The following TULP4 variants were observed in gnomAD, a reference collection of about 807,000 sequenced individuals.
TULP4 encodes tubby-related protein 4.
Under a neutral mutation model 129.0 loss-of-function variants are expected in TULP4, and 16 were observed. That is an observed-to-expected ratio of 0.12 (90% CI 0.08 to 0.19). TULP4 has a LOEUF of 0.19. Among genes scored for constraint, TULP4 ranks in the 10% least tolerant of loss-of-function variants. The pLI is 1.00. For synonymous variants in TULP4, 998 were observed against 854.0 expected (o/e 1.17, Z -2.94); for missense variants, 1,842 against 2,059.1 (o/e 0.89, Z 2.04).
rs150514274 is a variant in TULP4, at chr6:158,500,396, G to A, written c.2015-1282G>A. ...TGTCTTACTAGGACACCCCAAGGAAGGGCCAGCTTAGCTTTTGATAAACTA... is the reference window on the plus strand; with the variant it reads ...TGTCTTACTAGGACACCCCAAGGAAAGGCCAGCTTAGCTTTTGATAAACTA... On this transcript the variant is annotated intron_variant, in intron 12 of 13. Coordinates refer to ENST00000367097, the MANE Select transcript of TULP4 (RefSeq NM_020245.5). 8.4e-4 allele frequency among the ~76,000 whole-genome samples: 128 copies of A among 152,310 alleles called. 1 individual carries two copies. The highest frequency in any genetic ancestry group is 3.0e-3 in the African/African-American group (124 of 41,564).
At chr6:158,296,135 C>T (rs770401293) in intron 1 of TULP4, among the ~76,000 whole-genome samples, 105 of 151,962 alleles carry the variant, frequency 6.9e-4, no homozygotes, top group Non-Finnish European at 1.3e-3. Flanking sequence ...CTTCCCCTTC[C>T]TTTTTTCTCT....
At chr6:158,322,066 A>G (rs9457345) in intron 1 of TULP4, among the ~76,000 whole-genome samples, 26,438 of 152,192 alleles carry the variant, frequency 0.17, 2,709 homozygotes, top group Middle Eastern at 0.26. Flanking sequence ...GTGATGACCA[A>G]CTTTCTCAAC....
rs770652551 is a variant in TULP4, at chr6:158,503,410, G to A, written c.3747G>A (p.Thr1249=). ...TLPPMYPGSS[T]CSSLQLPPVA... ...CCCCCATGTACCCAGGAAGCAGCAC[G>A]TGCTCTAGTTTACAGCTGCCACCTG... The change falls in exon 13 of 14, where the codon ACG becomes ACA. Residue 1249 remains threonine (T), a synonymous_variant. Transcript: ENST00000367097. The surrounding 1 kb of genome is among the most constrained non-coding windows in gnomAD (Gnocchi z 4.3). 70 of 1,613,810 alleles carry A rather than the reference G, an allele frequency of 4.3e-5. No individual in the cohort carries two copies. Among genetic ancestry groups the A allele is most frequent in the East Asian group, 2.9e-4 (13 of 44,886 alleles).
chr6:158,309,540 G>C (rs546137995), upstream of TULP4, among the ~76,000 whole-genome samples: 74 of 152,132 alleles, frequency 4.9e-4, no homozygotes, highest in East Asian at 0.012. Context: ...CAAGGCAGGC[G>C]GCTGGGAGAT....
At chr6:158,421,949 G>A (rs1477909023) in intron 2 of TULP4, among the ~76,000 whole-genome samples, 1 of 152,146 alleles carries the variant, frequency 6.6e-6, no homozygotes, top group Non-Finnish European at 1.5e-5. Flanking sequence ...GTCCTTCATT[G>A]TATACCGGAA....
At position 158,429,817 on chromosome 6, in the gene TULP4, A is replaced by G; in HGVS notation, c.463A>G (p.Ser155Gly). The change falls in exon 3 of 14, where the codon AGT (serine) becomes GGT (glycine). Residue 155 changes from serine to glycine, a missense_variant. Coordinates refer to ENST00000367097, the MANE Select transcript of TULP4 (RefSeq NM_020245.5). ...TGGGTTTGTCCTGGTTGGGTCTGTC[A>G]GTGGACAAAGACACTGGTCATCCGA... is the stretch of plus-strand genomic sequence containing the variant. ...RDGFVLVGSV[S>G]GQRHWSSEIN... 1 of 1,614,202 alleles carries G rather than the reference A, an allele frequency of 6.2e-7. No homozygotes were observed. Among genetic ancestry groups the G allele is most frequent in the Non-Finnish European group, 8.5e-7 (1 of 1,180,026 alleles).
At chr6:158,399,096 G>T (rs1177794897) in intron 1 of TULP4, among the ~76,000 whole-genome samples, 1 of 152,164 alleles carries the variant, frequency 6.6e-6, no homozygotes, top group Non-Finnish European at 1.5e-5. Flanking sequence ...CAGCTATATA[G>T]ATTAAATCCT....
intron 1 of TULP4, among the ~76,000 whole-genome samples, chr6:158,361,776 C>G (rs1780795418): frequency 6.6e-6 from 1 of 152,158 alleles, no homozygotes; most frequent in South Asian, 2.1e-4. Flanking sequence ...GAGGAGCTGG[C>G]TGTCTATTTT....
At chr6:158,478,788 C>A (rs575634196) in intron 6 of TULP4, among the ~76,000 whole-genome samples, 167 of 152,326 alleles carry the variant, frequency 1.1e-3, no homozygotes, top group African/African-American at 3.9e-3. Context: ...CTAGATGGCA[C>A]CCCTGAGCTT....
At chr6:158,310,026 A>G (rs2128481282), upstream of TULP4, among the ~76,000 whole-genome samples, 1 of 152,236 alleles carries the variant, frequency 6.6e-6, no homozygotes, top group East Asian at 1.9e-4. Context: ...TGTTCAAGAA[A>G]ATGTCGGCCA....
intron 3 of TULP4, chr6:158,437,848 T>TG (rs1438565855): frequency 6.6e-6 from 1 of 152,162 alleles, no homozygotes; most frequent in Non-Finnish European, 1.5e-5. Context: ...GAGGCTAAGG[T>TG]GGGAGGATCC....
chr6:158,396,230 C>T (rs922756869), intron 1 of TULP4, among the ~76,000 whole-genome samples: 2 of 152,262 alleles, frequency 1.3e-5, no homozygotes, highest in South Asian at 2.1e-4. Context: ...TTCCTCTCCC[C>T]AACCTCTATT....
chr6:158,474,659 T>C (rs945874426), intron 6 of TULP4, among the ~76,000 whole-genome samples: 3 of 152,192 alleles, frequency 2.0e-5, no homozygotes, highest in Admixed American at 2.0e-4. Flanking sequence ...ATCAGGTAGT[T>C]CCTGTCACAG....
At chr6:158,486,058 T>G (rs921275890) in intron 8 of TULP4, among the ~76,000 whole-genome samples, 3 of 152,262 alleles carry the variant, frequency 2.0e-5, no homozygotes, top group African/African-American at 7.2e-5. Context: ...TTGGGGGTTT[T>G]GGGAATAGAA....
chr6:158,505,181 C>T (rs1007609513), intron 13 of TULP4, among the ~76,000 whole-genome samples: 1 of 152,234 alleles, frequency 6.6e-6, no homozygotes, highest in African/African-American at 2.4e-5. Context: ...CTTCCCTGCT[C>T]CAGCCCAGAA....
At chr6:158,234,527 G>A (rs1409843516) in intron 1 of TULP4, among the ~76,000 whole-genome samples, 1 of 152,192 alleles carries the variant, frequency 6.6e-6, no homozygotes, top group Non-Finnish European at 1.5e-5. Flanking sequence ...TTATTCATCT[G>A]TTCTACTCAT....
chr6:158,493,098 C>T lies in TULP4; in HGVS notation c.1632-475C>T, dbSNP rs926395484. On this transcript the variant is annotated intron_variant, in intron 9 of 13. Coordinates refer to ENST00000367097, the MANE Select transcript of TULP4 (RefSeq NM_020245.5). This position sits in a 1 kb window ranked among gnomAD's most constrained non-coding sequence, Gnocchi z 4.4. ...GGCCCCTGGCAGAAGGCCATTTCCA[C>T]GCTTGCTCCAAGGCAACAGAGAGTG... 6.6e-6 allele frequency among the ~76,000 whole-genome samples: 1 copy of T among 152,248 alleles called. No homozygotes were observed. The highest frequency in any genetic ancestry group is 1.5e-5 in the Non-Finnish European group (1 of 68,054).
In TULP4 at chr6:158,292,785, C is replaced by T. The variant is rs189175358; in HGVS notation, n.116+10407C>T. On this transcript the variant is annotated intron_variant and non_coding_transcript_variant, in intron 1 of 1. Transcript: ENST00000432358. ...TGCACAGTGTAAGATTATTTCCTTACGATAAACTTCCAGAAGTGGAATTGA... is the reference window on the plus strand; with the variant it reads ...TGCACAGTGTAAGATTATTTCCTTATGATAAACTTCCAGAAGTGGAATTGA... 7.9e-3 allele frequency among the ~76,000 whole-genome samples: 1,199 copies of T among 152,218 alleles called. 11 individuals are homozygous for T. The highest frequency in any genetic ancestry group is 0.013 in the Non-Finnish European group (856 of 68,028).
Position 158,434,795 on chromosome 6 carries a change from A to G in TULP4, c.543+4898A>G, listed in dbSNP as rs149159138. Among the ~76,000 whole-genome samples, 1,459 of 152,282 alleles carry G rather than the reference A, an allele frequency of 9.6e-3. 27 individuals are homozygous for G. Among genetic ancestry groups the G allele is most frequent in the African/African-American group, 0.032 (1,334 of 41,566 alleles). On this transcript the variant is annotated intron_variant, in intron 3 of 13. Transcript: ENST00000367097. ...TGAGTGTGGTCCTCCTAGGGCGGTG[A>G]CCAGCTGATGTGCCTGAGGCCACTG...
Sources: allele counts gnomAD v4.1 joint callset (sites outside exome capture counted in the v4.1 genomes callset), GRCh38; gene constraint gnomAD v4.1.1; non-coding constraint Gnocchi (gnomAD v3.1); transcripts MANE v1.5; gene names NCBI Gene and HGNC (gene_info 2026-07-23, HGNC 2026-07-21).